The following PCDH19 variants were observed in gnomAD, a reference collection of about 807,000 sequenced individuals.
PCDH19 encodes protocadherin-19.
In PCDH19, 6 loss-of-function variants were observed where a neutral mutation model predicts 46.2. The ratio of observed to expected loss-of-function variants is 0.13; its 90% CI spans 0.07 to 0.26. The LOEUF (loss-of-function observed/expected upper bound fraction) is 0.26. Among genes scored for constraint, PCDH19 ranks in the 10% least tolerant of loss-of-function variants. The probability of loss-of-function intolerance (pLI) is 1.00; values close to 1 mark genes in which losing one functional copy is unlikely to be tolerated. For synonymous variants in PCDH19, 481 were observed against 415.7 expected, an observed-to-expected ratio of 1.16 and a Z score of -1.91; for missense variants, 740 against 972.3, an observed-to-expected ratio of 0.76 and a Z score of 3.18.
chrX:100,301,274 A>G (rs182264267), intron 5 of PCDH19, among the ~76,000 whole-genome samples: 1 of 112,149 alleles, frequency 8.9e-6, no homozygotes, highest in Admixed American at 9.4e-5. Flanking sequence ...CTGGGTTTGT[A>G]TAGATATCCA....
intron 3 of PCDH19, among the ~76,000 whole-genome samples, chrX:100,353,248 A>C (rs1477211023): frequency 8.9e-6 from 1 of 112,339 alleles, no homozygotes; most frequent in Non-Finnish European, 1.9e-5. Context: ...AAAGAGACAA[A>C]AATACAAAAA....
Position 100,293,464 on chromosome X carries a change from A to G in PCDH19, c.*2813T>C, listed in dbSNP as rs1924490643. 1.1e-5 allele frequency: 1 copy of G among 90,684 alleles called. No homozygotes were observed. Among genetic ancestry groups the G allele is most frequent in the Admixed American group, 1.4e-4 (1 of 7,257 alleles). The allele number at this position is 90,684 out of a possible 1,213,427, so 7.5% of individuals were successfully genotyped here. A position where few individuals can be genotyped will look rare whatever the true frequency, so the allele number is the denominator to read the frequency against. ...AAAGGGAGAATATTTGGCCCTGTGA[A>G]CCTTGTAGCTTTTCACCAGACATGC... On this transcript the variant is annotated 3_prime_UTR_variant, in exon 6 of 6. Coordinates refer to ENST00000373034, the MANE Select transcript of PCDH19 (RefSeq NM_001184880.2).
At chrX:100,398,038 T>TA (rs1928075947) in intron 3 of PCDH19, among the ~76,000 whole-genome samples, 1 of 110,463 alleles carries the variant, frequency 9.1e-6, no homozygotes, top group Non-Finnish European at 1.9e-5. Flanking sequence ...ACACGCCCTC[T>TA]AATTCATTCA....
intron 3 of PCDH19, among the ~76,000 whole-genome samples, chrX:100,368,747 C>T (rs757314762): frequency 3.6e-5 from 4 of 111,197 alleles, no homozygotes; most frequent in African/African-American, 6.5e-5. Flanking sequence ...ACTCTGAGAA[C>T]GATGTTTCTG....
At chrX:100,399,459 A>G (rs1928116146) in intron 3 of PCDH19, among the ~76,000 whole-genome samples, 1 of 111,804 alleles carries the variant, frequency 8.9e-6, no homozygotes. Flanking sequence ...CATCTCTCTA[A>G]CGCCAGAGCC....
intron 3 of PCDH19, among the ~76,000 whole-genome samples, chrX:100,384,531 T>C (rs1231831098): frequency 1.8e-5 from 2 of 111,061 alleles, no homozygotes; most frequent in East Asian, 5.6e-4. Flanking sequence ...ATATTCTCTT[T>C]TTCCCTCCCT....
chrX:100,292,343 A>T lies in PCDH19; in HGVS notation c.*3934T>A, dbSNP rs1924452522. 8.9e-6 allele frequency: 1 copy of T among 112,852 alleles called. No individual in the cohort carries two copies. Among genetic ancestry groups the T allele is most frequent in the African/African-American group, 3.2e-5 (1 of 31,000 alleles). 9.3% of individuals were successfully genotyped at this position (112,852 alleles called of 1,213,427 possible). On this transcript the variant is annotated 3_prime_UTR_variant, in exon 6 of 6. Coordinates refer to ENST00000373034, the MANE Select transcript of PCDH19 (RefSeq NM_001184880.2). ...TCATCAGTTTTCCCTAATGACCTAC[A>T]ATGCTTTCCAATCAAGATCAGGTGT...
At chrX:100,333,183 G>GAGAGAGAGAGAGAGAA (rs1489789460) in intron 5 of PCDH19, among the ~76,000 whole-genome samples, 1 of 43,440 alleles carries the variant, frequency 2.3e-5, no homozygotes, top group Non-Finnish European at 4.5e-5. Flanking sequence ...GGGAGAGAGA[G>GAGAGAGAGAGAGAGAA]AGAAAGAAAG....
chrX:100,402,927 C>A, intron 2 of PCDH19, 76 bp from the exon 3 acceptor site: 1 of 811,570 alleles, frequency 1.2e-6, no homozygotes. Context: ...ATTAAGCACC[C>A]CAGAGGGTTG....
At chrX:100,357,933 C>T (rs146816761) in intron 3 of PCDH19, among the ~76,000 whole-genome samples, 5,290 of 111,850 alleles carry the variant, frequency 0.047, 286 homozygotes, top group African/African-American at 0.16. Context: ...AATGAGGCTA[C>T]TTATCACAAT....
chrX:100,353,907 GA>G (rs1382788365), intron 3 of PCDH19, among the ~76,000 whole-genome samples: 2 of 111,676 alleles, frequency 1.8e-5, no homozygotes, highest in African/African-American at 6.5e-5. Context: ...CAGGTTCCTA[GA>G]ACCGATTTTC....
chrX:100,372,160 C>G (rs1223363088), intron 3 of PCDH19, among the ~76,000 whole-genome samples: 1 of 111,555 alleles, frequency 9.0e-6, no homozygotes, highest in Non-Finnish European at 1.9e-5. Context: ...TCCCTTGAAC[C>G]CAGGAGGTGG....
In PCDH19 at chrX:100,406,623, G is replaced by A. The variant is rs760335591; in HGVS notation, c.1975C>T (p.Leu659=). ...TCGAGAGCAGGGGACAAGTAGATTAGGACGAGAGCAGAGGCAGAGAGAGAT... is the reference window on the plus strand; with the variant it reads ...TCGAGAGCAGGGGACAAGTAGATTAAGACGAGAGCAGAGGCAGAGAGAGAT... ...KTSLSASALV[L]IYLSPALDAQ... Residue 659 remains leucine, a synonymous_variant, in exon 1 of 6, where the codon CTA becomes TTA. Transcript: ENST00000373034. The A allele has an allele frequency of 6.6e-6, 8 of 1,211,717 alleles. No individual in the cohort carries two copies. Among genetic ancestry groups the A allele is most frequent in the Non-Finnish European group, 8.9e-6 (8 of 895,435 alleles).
intron 3 of PCDH19, among the ~76,000 whole-genome samples, chrX:100,358,514 G>A (rs892203547): frequency 5.3e-5 from 6 of 112,190 alleles, no homozygotes; most frequent in Non-Finnish European, 1.1e-4. Flanking sequence ...TCTCATCTTT[G>A]GGTCAAAGTT....
At chrX:100,392,559 C>A (rs998490639) in intron 3 of PCDH19, among the ~76,000 whole-genome samples, 4 of 112,224 alleles carry the variant, frequency 3.6e-5, no homozygotes, top group African/African-American at 1.3e-4. Flanking sequence ...TAGCATACTC[C>A]ATCACTCAAA....
rs370078729 is a variant in PCDH19, at chrX:100,296,462, C to T, written c.3262G>A (p.Ala1088Thr). Residue 1088 changes from alanine (A) to threonine (T), a missense_variant, in exon 6 of 6, where the codon GCT (alanine) becomes ACT (threonine). Around this residue, in one of 5 missense-constraint regions of PCDH19, gnomAD observed 416 missense variants for 476.8 expected, o/e 0.87. Transcript: ENST00000373034. ...KPSVSYTIAL[A>T]PPARDLEQYV... Reference sequence around the variant, plus strand: ...TGCTCCAGATCACGGGCTGGGGGAGCCAGGGCAATGGTGTAAGACACGGAA... The same window carrying T: ...TGCTCCAGATCACGGGCTGGGGGAGTCAGGGCAATGGTGTAAGACACGGAA... The T allele has an allele frequency of 7.4e-5, 90 of 1,209,093 alleles. No homozygotes were observed. Among genetic ancestry groups the T allele is most frequent in the Non-Finnish European group, 9.6e-5 (86 of 895,051 alleles).
At chrX:100,366,043 G>T (rs1187057632) in intron 3 of PCDH19, among the ~76,000 whole-genome samples, 1 of 111,972 alleles carries the variant, frequency 8.9e-6, no homozygotes, top group Non-Finnish European at 1.9e-5. Context: ...GGATACTGTA[G>T]AAAGAGGATG....
At chrX:100,335,992 G>T (rs1926074459) in intron 5 of PCDH19, among the ~76,000 whole-genome samples, 1 of 112,320 alleles carries the variant, frequency 8.9e-6, no homozygotes, top group Non-Finnish European at 1.9e-5. Context: ...ATAACCACAT[G>T]AATTGCAAAA....
At chrX:100,305,648 A>G (rs1476659600) in intron 5 of PCDH19, among the ~76,000 whole-genome samples, 1 of 111,856 alleles carries the variant, frequency 8.9e-6, no homozygotes, top group Non-Finnish European at 1.9e-5. Context: ...GAGTTCACCA[A>G]CCACGTTTCT....
Sources: allele counts gnomAD v4.1 joint callset (sites outside exome capture counted in the v4.1 genomes callset), GRCh38; gene constraint gnomAD v4.1.1; regional missense constraint gnomAD v4.1.1; transcripts MANE v1.5; gene names NCBI Gene and HGNC (gene_info 2026-07-23, HGNC 2026-07-21).